DIAPH3: variants seen among roughly 807,000 people sequenced by gnomAD.
DIAPH3 encodes the protein diaphanous related formin 3, also known as protein diaphanous homolog 3.
DIAPH3 carries 117 observed loss-of-function variants against 144.3 expected under a neutral mutation model. The ratio of observed to expected loss-of-function variants is 0.81; its 90% CI spans 0.70 to 0.95. DIAPH3 has a LOEUF of 0.95. DIAPH3 is among the 40% of genes least tolerant of loss of function. The pLI is 0.00. For synonymous variants in DIAPH3, 519 were observed against 488.9 expected, an observed-to-expected ratio of 1.06 and a Z score of -0.81; for missense variants, 1,421 against 1,412.7, an observed-to-expected ratio of 1.01 and a Z score of -0.09.
chr13:59,847,272 T>C (rs2042696643), intron 22 of DIAPH3, among the ~76,000 whole-genome samples: 1 of 152,218 alleles, frequency 6.6e-6, no homozygotes, highest in African/African-American at 2.4e-5. Context: ...AATGATGGTT[T>C]AATTTTTGTT....
intron 23 of DIAPH3, among the ~76,000 whole-genome samples, chr13:59,836,473 A>G (rs2042049608): frequency 6.6e-6 from 1 of 151,858 alleles, no homozygotes; most frequent in Non-Finnish European, 1.5e-5. Context: ...AATTATTACT[A>G]AAATGTCAAT....
At chr13:60,162,170 G>T (rs1213741956) in intron 1 of DIAPH3, among the ~76,000 whole-genome samples, 2 of 152,152 alleles carry the variant, frequency 1.3e-5, no homozygotes, top group Non-Finnish European at 1.5e-5. Flanking sequence ...TGGTCAATGT[G>T]ACATACATAA....
intron 2 of DIAPH3, among the ~76,000 whole-genome samples, chr13:60,128,225 G>T (rs1397541031): frequency 6.6e-6 from 1 of 152,070 alleles, no homozygotes; most frequent in Admixed American, 6.6e-5. Context: ...CCATGTTCCT[G>T]CAAAGGACAT....
intron 4 of DIAPH3, among the ~76,000 whole-genome samples, chr13:60,092,014 T>C (rs761584614): frequency 6.6e-6 from 1 of 151,754 alleles, no homozygotes; most frequent in Non-Finnish European, 1.5e-5. Flanking sequence ...AGCTAATTTC[T>C]TTTTCTGGTT....
chr13:60,002,369 A>G (rs186648681), intron 9 of DIAPH3, among the ~76,000 whole-genome samples: 3 of 152,332 alleles, frequency 2.0e-5, no homozygotes, highest in African/African-American at 7.2e-5. Flanking sequence ...ATAATATAAA[A>G]GTAATATTCC....
chr13:59,746,383 C>A (rs1305583316), intron 27 of DIAPH3, among the ~76,000 whole-genome samples: 2 of 139,980 alleles, frequency 1.4e-5, no homozygotes, highest in African/African-American at 5.6e-5. Flanking sequence ...GCCACCATAC[C>A]CAGCTAATTT....
intron 22 of DIAPH3, among the ~76,000 whole-genome samples, chr13:59,844,714 T>A (rs1353341857): frequency 6.6e-6 from 1 of 152,174 alleles, no homozygotes; most frequent in Non-Finnish European, 1.5e-5. Context: ...AGAGCCATCA[T>A]CAAACAGAGC....
At position 60,105,113 on chromosome 13, in the gene DIAPH3, A is replaced by AAAAAAAC. The variant is rs779437826; in HGVS notation, c.390+6896_390+6897insGTTTTTT. ...AGACACGATCTCAAAAAAAAAAAAA[A>AAAAAAAC]AAAAAAAAAAAACTGCCAGTGATGA... is the stretch of plus-strand genomic sequence containing the variant. On this transcript the variant is annotated intron_variant, in intron 3 of 27. Transcript: ENST00000400324. 7.3e-3 allele frequency among the ~76,000 whole-genome samples: 1,087 copies of AAAAAAAC among 149,786 alleles called. 38 individuals carry two copies. Among genetic ancestry groups the AAAAAAAC allele is most frequent in the South Asian group, 0.015 (72 of 4,728 alleles).
chr13:59,815,147 A>G (rs542268161), intron 24 of DIAPH3, among the ~76,000 whole-genome samples: 1 of 152,300 alleles, frequency 6.6e-6, no homozygotes, highest in South Asian at 2.1e-4. Flanking sequence ...ACTTTTGCCC[A>G]TCCTTTCTCC....
intron 21 of DIAPH3, among the ~76,000 whole-genome samples, chr13:59,869,492 A>G (rs1393621658): frequency 6.6e-6 from 1 of 152,234 alleles, no homozygotes; most frequent in Non-Finnish European, 1.5e-5. Context: ...GGATTGTGAA[A>G]AGAACAGTTG....
At chr13:59,690,973 C>T (rs2033487154) in intron 27 of DIAPH3, among the ~76,000 whole-genome samples, 1 of 152,106 alleles carries the variant, frequency 6.6e-6, no homozygotes. Flanking sequence ...GGAACTAGAC[C>T]TCCAGGGGAT....
chr13:59,893,183 C>T (rs1280087882), intron 20 of DIAPH3, among the ~76,000 whole-genome samples: 2 of 152,090 alleles, frequency 1.3e-5, no homozygotes, highest in East Asian at 1.9e-4. Context: ...AACATTACAT[C>T]TTTTCTCAAC....
chr13:59,815,605 T>A (rs1333432708), intron 24 of DIAPH3, among the ~76,000 whole-genome samples: 2 of 152,152 alleles, frequency 1.3e-5, no homozygotes. Flanking sequence ...TATTGTTTTG[T>A]AACATATAAA....
chr13:59,861,320 G>A, intron 22 of DIAPH3, 87 bp downstream of exon 22: 2 of 1,604,388 alleles, frequency 1.2e-6, no homozygotes, highest in Non-Finnish European at 1.7e-6. Context: ...TGAGAAAGTG[G>A]AAAGTACATA....
chr13:60,015,362 T>C (rs996747105), intron 7 of DIAPH3, among the ~76,000 whole-genome samples: 2 of 152,184 alleles, frequency 1.3e-5, no homozygotes, highest in African/African-American at 2.4e-5. Context: ...TCAATATTAC[T>C]TGGGTTAAGC....
chr13:59,870,702 C>T (rs536350841), intron 21 of DIAPH3, among the ~76,000 whole-genome samples: 19 of 145,328 alleles, frequency 1.3e-4, no homozygotes, highest in Admixed American at 1.2e-3. Context: ...TGGAGTTTCA[C>T]TCTTGTTGCT....
chr13:60,024,332 T>C (rs1163481382), intron 5 of DIAPH3, among the ~76,000 whole-genome samples: 9 of 152,352 alleles, frequency 5.9e-5, no homozygotes, highest in Admixed American at 2.6e-4. Context: ...TCTATCATTC[T>C]ATAGTCCAGT....
intron 27 of DIAPH3, among the ~76,000 whole-genome samples, chr13:59,715,162 T>G (rs1456707890): frequency 6.6e-6 from 1 of 152,208 alleles, no homozygotes; most frequent in Non-Finnish European, 1.5e-5. Flanking sequence ...ATTTATGATG[T>G]AACCATCTAT....
intron 3 of DIAPH3, among the ~76,000 whole-genome samples, chr13:60,103,360 G>A (rs186886630): frequency 7.2e-5 from 11 of 152,082 alleles, no homozygotes; most frequent in East Asian, 1.9e-4. Context: ...CAAGTTGAGC[G>A]GGACAGTTAA....
Sources: allele counts gnomAD v4.1 joint callset (sites outside exome capture counted in the v4.1 genomes callset), GRCh38; gene constraint gnomAD v4.1.1; transcripts MANE v1.5; gene names NCBI Gene and HGNC (gene_info 2026-07-23, HGNC 2026-07-21).